The following NRG3 variants were observed in gnomAD, a reference collection of about 807,000 sequenced individuals.
NRG3 encodes neuregulin 3.
NRG3 carries 31 observed loss-of-function variants against 66.9 expected under a neutral mutation model. That is an observed-to-expected ratio of 0.46 (90% CI 0.35 to 0.63). The LOEUF is 0.63. Ranked by LOEUF, NRG3 falls within the 20% of genes least tolerant of loss-of-function variation. The pLI, the probability that NRG3 is intolerant of heterozygous loss-of-function variation, is 0.00. For missense variants in NRG3, 910 were observed against 878.9 expected (o/e 1.04, Z -0.45); for synonymous variants, 393 against 359.4 (o/e 1.09, Z -1.06).
intron 4 of NRG3, among the ~76,000 whole-genome samples, chr10:82,892,910 C>A (rs1283889201): frequency 1.3e-5 from 2 of 151,644 alleles, no homozygotes; most frequent in African/African-American, 2.4e-5. Context: ...GGTATATGTA[C>A]CTCATAACAC....
intron 1 of NRG3, among the ~76,000 whole-genome samples, chr10:82,101,120 G>T (rs1023218810): frequency 1.3e-5 from 2 of 151,636 alleles, no homozygotes; most frequent in Non-Finnish European, 3.0e-5. Flanking sequence ...AGACAGATTT[G>T]TATTATTCTC....
chr10:82,622,771 A>T (rs559748490), intron 2 of NRG3, among the ~76,000 whole-genome samples: 1 of 152,284 alleles, frequency 6.6e-6, no homozygotes, highest in African/African-American at 2.4e-5. Flanking sequence ...TCTGCAACCC[A>T]TCATGTCTAT....
chr10:82,945,451 A>G (rs1378196537), intron 4 of NRG3, among the ~76,000 whole-genome samples: 1 of 152,184 alleles, frequency 6.6e-6, no homozygotes, highest in Non-Finnish European at 1.5e-5. Flanking sequence ...CAAAATGGGT[A>G]CTTTATTTTG....
chr10:82,973,854 C>A lies in NRG3; in HGVS notation c.1351C>A (p.Pro451Thr). The A allele has an allele frequency of 1.2e-6, 2 of 1,613,976 alleles. No homozygotes were observed. Among genetic ancestry groups the A allele is most frequent in the Non-Finnish European group, 1.7e-6 (2 of 1,179,932 alleles). ...EKMMESSFVG[P>T]QSFPEVPSPD... ...AATGATGGAGTCAAGTTTTGTCGGC[C>A]CCCAGTCATTCCCTGAGGTCCCTTC... Residue 451 changes from proline (P) to threonine (T), a missense_variant, in exon 7 of 9, where the codon CCC (proline) becomes ACC (threonine). Physicochemically the swap from Pro to Thr is conservative, Grantham distance 38. Transcript: ENST00000372141.
intron 1 of NRG3, among the ~76,000 whole-genome samples, chr10:82,131,567 C>T (rs2068821184): frequency 2.6e-5 from 4 of 151,832 alleles, no homozygotes; most frequent in South Asian, 2.1e-4. Flanking sequence ...TTTTCTATTT[C>T]TGTGAAGAAT....
rs73307817 is a variant in NRG3, at chr10:82,481,074, G to T, written c.953+122206G>T. On this transcript the variant is annotated intron_variant, in intron 2 of 8. Coordinates refer to ENST00000372141, the MANE Select transcript of NRG3 (RefSeq NM_001010848.4). ...TTTCTCCTCCACCATGAAAAACTCT[G>T]CCAAGGAGCTTGCTGTCATTCCCAG... 4.3e-3 allele frequency among the ~76,000 whole-genome samples: 648 copies of T among 152,206 alleles called. 4 individuals carry two copies. The highest frequency in any genetic ancestry group is 0.015 in the African/African-American group (627 of 41,522).
At chr10:82,670,879 C>G (rs1452619062) in intron 2 of NRG3, among the ~76,000 whole-genome samples, 1 of 152,178 alleles carries the variant, frequency 6.6e-6, no homozygotes, top group Non-Finnish European at 1.5e-5. Context: ...TGATTGCAAC[C>G]TGGCATCTCC....
At chr10:82,565,635 C>T (rs2045353386) in intron 2 of NRG3, among the ~76,000 whole-genome samples, 1 of 152,082 alleles carries the variant, frequency 6.6e-6, no homozygotes, top group Non-Finnish European at 1.5e-5. Context: ...CTACCACTCT[C>T]AGGCTTGGTT....
chr10:82,132,536 G>GATATATATATCATATATATATATATGAT (rs1564594023), intron 1 of NRG3, among the ~76,000 whole-genome samples: 3 of 66,040 alleles, frequency 4.5e-5, no homozygotes, highest in Non-Finnish European at 8.1e-5. Flanking sequence ...ATATATATAT[G>GATATATATATCATATATATATATATGAT]ATATATATAT....
At chr10:81,983,200 A>G (rs1024055442) in intron 1 of NRG3, among the ~76,000 whole-genome samples, 19 of 152,236 alleles carry the variant, frequency 1.2e-4, no homozygotes, top group Non-Finnish European at 2.1e-4. Flanking sequence ...AAATGAACAT[A>G]GAGTCTGTGA....
chr10:82,012,164 C>G (rs1045937069), intron 1 of NRG3, among the ~76,000 whole-genome samples: 2 of 152,188 alleles, frequency 1.3e-5, no homozygotes, highest in African/African-American at 4.8e-5. Context: ...AACCTCAGTT[C>G]TTTACTTCTG....
At chr10:82,268,443 CT>C (rs569701739) in intron 1 of NRG3, among the ~76,000 whole-genome samples, 1 of 152,210 alleles carries the variant, frequency 6.6e-6, no homozygotes, top group African/African-American at 2.4e-5. Context: ...CCACTTAATT[CT>C]CAAAACCCTG....
intron 2 of NRG3, among the ~76,000 whole-genome samples, chr10:82,480,110 G>A (rs923875923): frequency 1.3e-5 from 2 of 152,222 alleles, no homozygotes; most frequent in Admixed American, 1.3e-4. Context: ...GAAAGATTGC[G>A]TATTGCAGGA....
At chr10:82,003,726 A>G (rs1172996459) in intron 1 of NRG3, among the ~76,000 whole-genome samples, 1 of 152,152 alleles carries the variant, frequency 6.6e-6, no homozygotes, top group East Asian at 1.9e-4. Context: ...GTTGAAGCCA[A>G]AGTGGGAGTG....
chr10:82,917,073 G>A (rs757409914), intron 4 of NRG3, among the ~76,000 whole-genome samples: 1 of 152,128 alleles, frequency 6.6e-6, no homozygotes, highest in African/African-American at 2.4e-5. Flanking sequence ...GTGCTTATAC[G>A]CTCCTCAGGG....
intron 2 of NRG3, among the ~76,000 whole-genome samples, chr10:82,707,846 T>TAAAAAAAAAAA (rs373670610): frequency 1.2e-5 from 1 of 82,652 alleles, no homozygotes. Flanking sequence ...TCATCTCTAC[T>TAAAAAAAAAAA]AAAAAAAAAA....
At chr10:82,273,633 T>A (rs1270579106) in intron 1 of NRG3, among the ~76,000 whole-genome samples, 1 of 151,992 alleles carries the variant, frequency 6.6e-6, no homozygotes, top group South Asian at 2.1e-4. Context: ...TTTTAAAAAA[T>A]TTTCTTAATG....
At chr10:82,650,668 G>C (rs551929675) in intron 2 of NRG3, among the ~76,000 whole-genome samples, 1 of 152,310 alleles carries the variant, frequency 6.6e-6, no homozygotes, top group Admixed American at 6.5e-5. Context: ...GTGGTTAACT[G>C]GTTAAGTCAT....
At chr10:81,988,769 T>C (rs188927807) in intron 1 of NRG3, among the ~76,000 whole-genome samples, 95 of 152,198 alleles carry the variant, frequency 6.2e-4, no homozygotes, top group Non-Finnish European at 1.1e-3. Context: ...ATTAGAAGGC[T>C]GATAAGGAGC....
Sources: allele counts gnomAD v4.1 joint callset (sites outside exome capture counted in the v4.1 genomes callset), GRCh38; gene constraint gnomAD v4.1.1; transcripts MANE v1.5; gene names NCBI Gene and HGNC (gene_info 2026-07-23, HGNC 2026-07-21).